The following NPAS3 variants were observed in gnomAD, a reference collection of about 807,000 sequenced individuals.
NPAS3 encodes neuronal PAS domain-containing protein 3.
A neutral mutation model predicts 73.1 loss-of-function variants in NPAS3; 14 were observed. The observed-to-expected ratio is 0.19, with a 90% CI of 0.13 to 0.30. NPAS3 has a LOEUF of 0.30. Ranked by LOEUF, NPAS3 falls within the 10% of genes least tolerant of loss-of-function variation. NPAS3 has a pLI of 1.00. For missense variants in NPAS3, 1,096 were observed against 1,250.0 expected, an observed-to-expected ratio of 0.88 and a Z score of 1.86; for synonymous variants, 620 against 541.5, an observed-to-expected ratio of 1.14 and a Z score of -2.01.
At chr14:33,446,913 C>T (rs1378213829) in intron 4 of NPAS3, among the ~76,000 whole-genome samples, 1 of 152,246 alleles carries the variant, frequency 6.6e-6, no homozygotes, top group Non-Finnish European at 1.5e-5. Flanking sequence ...AATCTTACAG[C>T]AGGCTCATTA....
chr14:33,060,193 G>T (rs1281409677), intron 2 of NPAS3, among the ~76,000 whole-genome samples: 1 of 152,218 alleles, frequency 6.6e-6, no homozygotes, highest in African/African-American at 2.4e-5. Flanking sequence ...GGAAAGATAA[G>T]TAGGAAAGAG....
chr14:33,252,720 C>A (rs568036106), intron 3 of NPAS3, among the ~76,000 whole-genome samples: 1 of 151,484 alleles, frequency 6.6e-6, no homozygotes, highest in South Asian at 2.1e-4. Context: ...GGGGATTGGG[C>A]TTCTAGTGTA....
intron 1 of NPAS3, among the ~76,000 whole-genome samples, chr14:32,977,356 G>GCACGCACGCA (rs71432100): frequency 1.4e-5 from 2 of 141,448 alleles, no homozygotes; most frequent in Non-Finnish European, 3.0e-5. Context: ...TCTCTGACAC[G>GCACGCACGCA]CACACACACA....
At chr14:33,415,598 A>T (rs936353874) in intron 4 of NPAS3, among the ~76,000 whole-genome samples, 1 of 152,162 alleles carries the variant, frequency 6.6e-6, no homozygotes, top group Non-Finnish European at 1.5e-5. Flanking sequence ...TTGAAGACAC[A>T]GACTACAGCA....
intron 2 of NPAS3, among the ~76,000 whole-genome samples, chr14:33,193,531 A>G (rs1265311831): frequency 1.3e-5 from 2 of 152,238 alleles, no homozygotes; most frequent in South Asian, 2.1e-4. Context: ...CTAGAGGATG[A>G]CATAGTGAGT....
intron 2 of NPAS3, among the ~76,000 whole-genome samples, chr14:33,121,185 A>C (rs1418747700): frequency 6.6e-6 from 1 of 152,120 alleles, no homozygotes; most frequent in Non-Finnish European, 1.5e-5. Flanking sequence ...TGCCCTGAGC[A>C]CATTGTATTC....
At chr14:33,772,931 A>C (rs2062699880) in intron 7 of NPAS3, among the ~76,000 whole-genome samples, 1 of 152,174 alleles carries the variant, frequency 6.6e-6, no homozygotes, top group Non-Finnish European at 1.5e-5. Flanking sequence ...TGGTGCTTCC[A>C]GATCCACAGC....
intron 3 of NPAS3, among the ~76,000 whole-genome samples, chr14:33,271,211 T>G (rs1163703400): frequency 6.6e-6 from 1 of 152,198 alleles, no homozygotes; most frequent in African/African-American, 2.4e-5. Context: ...CTTCTTGGCC[T>G]CTCTGTGCAG....
chr14:33,486,953 G>C (rs1288572069), intron 4 of NPAS3, among the ~76,000 whole-genome samples: 1 of 152,122 alleles, frequency 6.6e-6, no homozygotes, highest in African/African-American at 2.4e-5. Flanking sequence ...GTTTGTTTAT[G>C]CTCTCAGAAG....
At chr14:33,315,670 T>C (rs2140214788) in intron 3 of NPAS3, among the ~76,000 whole-genome samples, 2 of 152,004 alleles carry the variant, frequency 1.3e-5, no homozygotes, top group Middle Eastern at 6.8e-3. Flanking sequence ...CAGTATATGT[T>C]CTGGGAGGAG....
chr14:33,333,510 G>A (rs2044080221), intron 3 of NPAS3, among the ~76,000 whole-genome samples: 1 of 152,098 alleles, frequency 6.6e-6, no homozygotes, highest in African/African-American at 2.4e-5. Flanking sequence ...ATGGAAACTA[G>A]GGCTCAGAGC....
rs537275261 is a variant in NPAS3 at position 33,670,614 on chromosome 14, G to A, written c.559-5597G>A. Among the ~76,000 whole-genome samples, 8 of 96,068 alleles carry A rather than the reference G, an allele frequency of 8.3e-5. No individual in the cohort carries two copies. The South Asian group carries it at 1.8e-3, about 21-fold the overall frequency. The allele number at this position is 96,068 out of a possible 152,430, so 63.0% of individuals were successfully genotyped here. On this transcript the variant is annotated intron_variant, in intron 5 of 11. Transcript: ENST00000356141. ...TATTATCCTTCAATAATATAAATGT[G>A]ACCCCCCCTCAAAAAAAAAAAAAAC...
At chr14:33,719,361 A>G (rs2061043140) in intron 6 of NPAS3, among the ~76,000 whole-genome samples, 1 of 152,150 alleles carries the variant, frequency 6.6e-6, no homozygotes, top group South Asian at 2.1e-4. Flanking sequence ...GATGTCAGAA[A>G]TAGCTGTGGA....
chr14:33,488,122 A>T (rs2051703974), intron 4 of NPAS3, among the ~76,000 whole-genome samples: 1 of 152,080 alleles, frequency 6.6e-6, no homozygotes, highest in Non-Finnish European at 1.5e-5. Flanking sequence ...CTTCTCTGGG[A>T]AAAGAACATT....
chr14:33,669,982 C>T (rs566008891), intron 5 of NPAS3, among the ~76,000 whole-genome samples: 1 of 152,168 alleles, frequency 6.6e-6, no homozygotes, highest in South Asian at 2.1e-4. Flanking sequence ...ATGTCGTGAT[C>T]TCAGCTCACT....
chr14:33,338,870 C>T (rs945162948), intron 3 of NPAS3, among the ~76,000 whole-genome samples: 3 of 152,098 alleles, frequency 2.0e-5, no homozygotes, highest in Middle Eastern at 3.2e-3. Flanking sequence ...CATTAATAGG[C>T]AAAATTTAGG....
chr14:33,442,345 G>C (rs2049288627), intron 4 of NPAS3, among the ~76,000 whole-genome samples: 1 of 152,044 alleles, frequency 6.6e-6, no homozygotes, highest in Non-Finnish European at 1.5e-5. Context: ...ACTGAGGTGG[G>C]AGGAGGGAGG....
At chr14:32,994,657 A>C (rs1410781519) in intron 1 of NPAS3, among the ~76,000 whole-genome samples, 1 of 136,138 alleles carries the variant, frequency 7.3e-6, no homozygotes, top group East Asian at 2.0e-4. Context: ...TTTGAGACAG[A>C]GTCTCACTCC....
chr14:33,197,933 C>T (rs998068219), intron 2 of NPAS3, among the ~76,000 whole-genome samples: 1 of 152,174 alleles, frequency 6.6e-6, no homozygotes, highest in African/African-American at 2.4e-5. Flanking sequence ...GACTTTGTTC[C>T]TTCTGATGTT....
Sources: allele counts gnomAD v4.1 joint callset (sites outside exome capture counted in the v4.1 genomes callset), GRCh38; gene constraint gnomAD v4.1.1; transcripts MANE v1.5; gene names NCBI Gene and HGNC (gene_info 2026-07-23, HGNC 2026-07-21).